The following SPATA31H1 variants were observed in gnomAD, a reference collection of about 807,000 sequenced individuals.
The protein encoded by SPATA31H1 is SPATA31 subfamily H member 1, also known as spermatogenesis-associated protein 31H1.
the SPATA31H1 span, among the ~76,000 whole-genome samples, chr2:27,543,048 G>A: frequency 8.2e-3 from 1,243 of 152,020 alleles, 28 homozygotes; most frequent in African/African-American, 0.023. Context: ...AGCCAAGATC[G>A]TCCCACTGCA....
the SPATA31H1 span, among the ~76,000 whole-genome samples, chr2:27,542,435 A>C: frequency 6.6e-6 from 1 of 151,990 alleles, no homozygotes; most frequent in Non-Finnish European, 1.5e-5. Context: ...TAGTTCCTCT[A>C]TTGAAGTAGC....
chr2:27,580,073 C>A, the SPATA31H1 span: 1 of 1,614,128 alleles, frequency 6.2e-7, no homozygotes, highest in Non-Finnish European at 8.5e-7. Flanking sequence ...TGCATCTTGG[C>A]TTTAGGCTGA....
At chr2:27,569,847 T>G in the SPATA31H1 span, 8 of 398,766 alleles carry the variant, frequency 2.0e-5, no homozygotes, top group Non-Finnish European at 3.1e-5. Context: ...AGGGCCACAG[T>G]TGCCAAGTGT....
chr2:27,580,902 G>C, the SPATA31H1 span: 1 of 1,614,210 alleles, frequency 6.2e-7, no homozygotes. Context: ...GCCAAGAAGA[G>C]CTTACTCTTT....
chr2:27,566,532 G>A, the SPATA31H1 span: 7 of 616,700 alleles, frequency 1.1e-5, no homozygotes, highest in Non-Finnish European at 2.0e-5. Flanking sequence ...CTGGTGGAAG[G>A]ATCATTTCTG....
At chr2:27,579,188 C>G in the SPATA31H1 span, 1 of 1,614,106 alleles carries the variant, frequency 6.2e-7, no homozygotes, top group Non-Finnish European at 8.5e-7. Context: ...GCAGACAACA[C>G]AATGTCTGGG....
the SPATA31H1 span, among the ~76,000 whole-genome samples, chr2:27,544,185 T>C: frequency 6.6e-6 from 1 of 152,098 alleles, no homozygotes; most frequent in African/African-American, 2.4e-5. Flanking sequence ...TAAAAAGCTT[T>C]TTTGTTAACA....
chr2:27,577,089 G>C, the SPATA31H1 span: 1 of 1,614,164 alleles, frequency 6.2e-7, no homozygotes, highest in Non-Finnish European at 8.5e-7. This position sits in a 1 kb window ranked among gnomAD's most constrained non-coding sequence, Gnocchi z 4.5. Context: ...TAAAGGCATA[G>C]ATACTGTAGA....
chr2:27,550,280 T>C, the SPATA31H1 span, among the ~76,000 whole-genome samples: 1 of 151,616 alleles, frequency 6.6e-6, no homozygotes, highest in Non-Finnish European at 1.5e-5. Flanking sequence ...TGTGTAATGT[T>C]TGCTATATAA....
the SPATA31H1 span, chr2:27,573,508 C>A: frequency 2.5e-6 from 1 of 398,394 alleles, no homozygotes; most frequent in Non-Finnish European, 4.4e-6. Flanking sequence ...AGTATACAAC[C>A]TTTGACATCA....
chr2:27,562,345 G>A, the SPATA31H1 span, among the ~76,000 whole-genome samples: 2 of 151,320 alleles, frequency 1.3e-5, no homozygotes, highest in African/African-American at 2.4e-5. Context: ...ATGAGACCTC[G>A]TCTCTACAAA....
the SPATA31H1 span, chr2:27,574,506 G>A: frequency 2.5e-6 from 1 of 398,466 alleles, no homozygotes; most frequent in African/African-American, 2.1e-5. Context: ...GCTTCAAGAT[G>A]TAAAATCTAT....
the SPATA31H1 span, chr2:27,578,234 C>CCA: frequency 6.2e-7 from 1 of 1,614,138 alleles, no homozygotes; most frequent in East Asian, 2.2e-5. Context: ...CTTCAGAGCA[C>CCA]CACACAGGGC....
At chr2:27,582,275 T>C in the SPATA31H1 span, 1 of 1,613,480 alleles carries the variant, frequency 6.2e-7, no homozygotes. Context: ...AGAGGAGCCA[T>C]CGCAGTTCCT....
chr2:27,566,145 AAGTT>A, the SPATA31H1 span: 9 of 717,050 alleles, frequency 1.3e-5, no homozygotes, highest in Admixed American at 1.6e-4. Flanking sequence ...AATTCTGTGA[AAGTT>A]AGACGTAAAG....
At chr2:27,576,898 C>A in the SPATA31H1 span, 2 of 1,614,036 alleles carry the variant, frequency 1.2e-6, no homozygotes, top group East Asian at 4.5e-5. Context: ...GAGCAAACTC[C>A]AAGAACAAAT....
the SPATA31H1 span, chr2:27,581,522 A>G: frequency 6.3e-7 from 1 of 1,585,742 alleles, no homozygotes; most frequent in Non-Finnish European, 8.6e-7. Context: ...ACAGTCCCTC[A>G]GAGAGAAGCC....
chr2:27,580,302 G>C, the SPATA31H1 span: 9 of 1,614,002 alleles, frequency 5.6e-6, no homozygotes, highest in Middle Eastern at 1.6e-4. Flanking sequence ...TGACTTAGTA[G>C]AAAAGACAAA....
chr2:27,577,294 C>T, the SPATA31H1 span: 1 of 1,614,052 alleles, frequency 6.2e-7, no homozygotes, highest in Non-Finnish European at 8.5e-7. This position sits in a 1 kb window ranked among gnomAD's most constrained non-coding sequence, Gnocchi z 4.5. Context: ...CTCTCTCAGT[C>T]ACGGCCCCGA....
Sources: allele counts gnomAD v4.1 joint callset (sites outside exome capture counted in the v4.1 genomes callset), GRCh38; gene constraint gnomAD v4.1.1; non-coding constraint Gnocchi (gnomAD v3.1); transcripts MANE v1.5; gene names NCBI Gene and HGNC (gene_info 2026-07-23, HGNC 2026-07-21).